Variants in DNAH7 observed in about 807,000 individuals in gnomAD.
DNAH7 encodes the protein axonemal beta dynein heavy chain 7.
Under a neutral mutation model 444.6 loss-of-function variants are expected in DNAH7, and 397 were observed. The observed-to-expected ratio is 0.89, with a 90% CI of 0.82 to 0.97. The LOEUF (loss-of-function observed/expected upper bound fraction) is 0.97. Ranked by LOEUF, DNAH7 falls within the 50% of genes least tolerant of loss-of-function variation. The pLI, the probability that DNAH7 is intolerant of heterozygous loss-of-function variation, is 0.00. For synonymous variants in DNAH7, 1,636 were observed against 1,624.4 expected, an observed-to-expected ratio of 1.01 and a Z score of -0.17; for missense variants, 4,902 against 4,800.8, an observed-to-expected ratio of 1.02 and a Z score of -0.62.
intron 1 of DNAH7, among the ~76,000 whole-genome samples, chr2:196,061,010 G>A (rs1698103345): frequency 6.6e-6 from 1 of 152,032 alleles, no homozygotes; most frequent in Non-Finnish European, 1.5e-5. Flanking sequence ...TATACAATGT[G>A]GTGTTTTGAT....
chr2:196,034,935 C>T (rs1360358902), intron 5 of DNAH7, among the ~76,000 whole-genome samples: 1 of 152,218 alleles, frequency 6.6e-6, no homozygotes, highest in East Asian at 1.9e-4. Flanking sequence ...AATCCCAGCA[C>T]TTTGGGAGGC....
At chr2:195,929,930 C>T (rs761389821) in intron 21 of DNAH7, among the ~76,000 whole-genome samples, 1 of 152,204 alleles carries the variant, frequency 6.6e-6, no homozygotes, top group Non-Finnish European at 1.5e-5. Context: ...ACAGAGTAAA[C>T]AGACAACCTA....
chr2:195,742,891 A>G (rs918997870), intron 63 of DNAH7, among the ~76,000 whole-genome samples: 19 of 152,218 alleles, frequency 1.2e-4, no homozygotes, highest in African/African-American at 3.6e-4. Context: ...ATTGGGTTGA[A>G]GTATGCAAAA....
intron 8 of DNAH7, among the ~76,000 whole-genome samples, chr2:196,022,434 T>C (rs570033039): frequency 6.6e-6 from 1 of 152,360 alleles, no homozygotes; most frequent in Admixed American, 6.5e-5. Context: ...CCTTATCAAC[T>C]AAGCTTATGT....
intron 2 of DNAH7, among the ~76,000 whole-genome samples, chr2:196,056,772 C>A (rs753617259): frequency 6.6e-6 from 1 of 152,128 alleles, no homozygotes; most frequent in East Asian, 1.9e-4. Context: ...CTTATTATTG[C>A]GTCTCAAATA....
intron 60 of DNAH7, among the ~76,000 whole-genome samples, chr2:195,775,173 A>T (rs1695006160): frequency 6.6e-6 from 1 of 152,228 alleles, no homozygotes; most frequent in Non-Finnish European, 1.5e-5. Flanking sequence ...GATGTTCTTC[A>T]TTAAAATGTA....
At chr2:195,860,860 G>A (rs1362817228) in intron 42 of DNAH7, among the ~76,000 whole-genome samples, 1 of 151,988 alleles carries the variant, frequency 6.6e-6, no homozygotes. Flanking sequence ...ATGTGTCTGA[G>A]CAGTAAATTT....
intron 61 of DNAH7, among the ~76,000 whole-genome samples, chr2:195,763,739 T>C (rs1405873882): frequency 6.6e-6 from 1 of 151,624 alleles, no homozygotes; most frequent in East Asian, 1.9e-4. Flanking sequence ...TAATAAAGGG[T>C]CTCCCAGCAA....
At chr2:195,836,254 C>G (rs145629620) in intron 47 of DNAH7, among the ~76,000 whole-genome samples, 4 of 152,108 alleles carry the variant, frequency 2.6e-5, no homozygotes, top group Admixed American at 2.6e-4. Flanking sequence ...TGGTGGCTTA[C>G]GCTTCTAATC....
At chr2:195,859,797 T>A (rs1253266726) in intron 42 of DNAH7, among the ~76,000 whole-genome samples, 1 of 152,188 alleles carries the variant, frequency 6.6e-6, no homozygotes. Context: ...TGGTTTCAGC[T>A]GAAACCTTGT....
chr2:196,034,020 T>C (rs1482343095), intron 5 of DNAH7, among the ~76,000 whole-genome samples: 2 of 152,136 alleles, frequency 1.3e-5, no homozygotes, highest in Admixed American at 1.3e-4. Context: ...AATTCCACTC[T>C]CACCAATTAT....
chr2:195,942,682 T>C (rs1330438368), intron 19 of DNAH7, among the ~76,000 whole-genome samples: 1 of 152,156 alleles, frequency 6.6e-6, no homozygotes, highest in Admixed American at 6.6e-5. Flanking sequence ...CTCTACTAGA[T>C]TTCATCTAGA....
intron 61 of DNAH7, among the ~76,000 whole-genome samples, chr2:195,761,835 A>C (rs945601599): frequency 6.6e-6 from 1 of 152,208 alleles, no homozygotes; most frequent in Non-Finnish European, 1.5e-5. Flanking sequence ...GAAATACTAA[A>C]GGGTATTCTA....
At chr2:195,876,091 C>T (rs1005955611) in intron 37 of DNAH7, among the ~76,000 whole-genome samples, 2 of 152,088 alleles carry the variant, frequency 1.3e-5, no homozygotes, top group African/African-American at 4.8e-5. Context: ...CTTATTAATC[C>T]TCTCATACAA....
chr2:195,914,592 AC>A (rs1260991215), intron 24 of DNAH7, among the ~76,000 whole-genome samples: 6 of 152,238 alleles, frequency 3.9e-5, no homozygotes, highest in African/African-American at 1.4e-4. Context: ...TAATAGTCCT[AC>A]CAGGCCAATG....
chr2:195,966,885 GT>G (rs998754717), intron 17 of DNAH7, among the ~76,000 whole-genome samples: 1 of 151,770 alleles, frequency 6.6e-6, no homozygotes, highest in Non-Finnish European at 1.5e-5. Context: ...GGGTCTTGCT[GT>G]TTTTTTTAAA....
At chr2:195,959,266 C>G (rs1690912008) in intron 18 of DNAH7, among the ~76,000 whole-genome samples, 1 of 152,132 alleles carries the variant, frequency 6.6e-6, no homozygotes, top group South Asian at 2.1e-4. Context: ...ATGCTTATCA[C>G]TGAATTTGTT....
chr2:196,011,985 T>G (rs1694751829), intron 10 of DNAH7, among the ~76,000 whole-genome samples: 1 of 152,124 alleles, frequency 6.6e-6, no homozygotes, highest in Admixed American at 6.6e-5. Context: ...AATACTAATA[T>G]AAAATAAAAG....
At chr2:195,797,914 T>C (rs1261888136) in intron 55 of DNAH7, among the ~76,000 whole-genome samples, 1 of 152,242 alleles carries the variant, frequency 6.6e-6, no homozygotes, top group African/African-American at 2.4e-5. Flanking sequence ...CACATTCCAA[T>C]GCTTCTTCAA....
Sources: allele counts gnomAD v4.1 joint callset (sites outside exome capture counted in the v4.1 genomes callset), GRCh38; gene constraint gnomAD v4.1.1; transcripts MANE v1.5; gene names NCBI Gene and HGNC (gene_info 2026-07-23, HGNC 2026-07-21).